Variants in HCN1 observed in about 807,000 individuals in gnomAD.
HCN1 encodes the protein potassium/sodium hyperpolarization-activated cyclic nucleotide-gated channel 1.
A neutral mutation model predicts 78.9 loss-of-function variants in HCN1; 13 were observed. That is an observed-to-expected ratio of 0.16 (90% CI 0.11 to 0.26). The LOEUF (loss-of-function observed/expected upper bound fraction) is 0.26, where lower values mean the gene tolerates loss of function less well. Ranked by LOEUF, HCN1 falls within the 10% of genes least tolerant of loss-of-function variation. The pLI is 1.00. For synonymous variants in HCN1, 552 were observed against 455.5 expected, an observed-to-expected ratio of 1.21 and a Z score of -2.70; for missense variants, 810 against 1,154.3, an observed-to-expected ratio of 0.70 and a Z score of 4.32.
chr5:45,297,594 G>A (rs533184565), intron 6 of HCN1, among the ~76,000 whole-genome samples: 2 of 152,038 alleles, frequency 1.3e-5, no homozygotes, highest in African/African-American at 2.4e-5. Flanking sequence ...AGCAGAAGGA[G>A]CACTTTCAAA....
At chr5:45,289,312 A>C (rs1210074126) in intron 6 of HCN1, among the ~76,000 whole-genome samples, 1 of 152,066 alleles carries the variant, frequency 6.6e-6, no homozygotes, top group Admixed American at 6.6e-5. Context: ...AGAGAATAAA[A>C]AAGGTGAGTG....
chr5:45,305,884 A>C (rs1468819270), intron 5 of HCN1, among the ~76,000 whole-genome samples: 1 of 151,622 alleles, frequency 6.6e-6, no homozygotes, highest in Admixed American at 6.6e-5. Flanking sequence ...GAAGGAAGGA[A>C]GGAAGGTGGA....
intron 5 of HCN1, among the ~76,000 whole-genome samples, chr5:45,334,836 T>C (rs1479131514): frequency 6.6e-6 from 1 of 152,026 alleles, no homozygotes; most frequent in Non-Finnish European, 1.5e-5. Context: ...AAGATGCTGG[T>C]ATAGCTTCAC....
At chr5:45,495,650 G>A (rs1351747028) in intron 2 of HCN1, among the ~76,000 whole-genome samples, 1 of 152,166 alleles carries the variant, frequency 6.6e-6, no homozygotes, top group East Asian at 1.9e-4. Flanking sequence ...GAATAGGAGT[G>A]GTGAGAGAGG....
intron 4 of HCN1, among the ~76,000 whole-genome samples, chr5:45,374,948 C>A (rs1275825931): frequency 1.4e-5 from 2 of 142,398 alleles, no homozygotes; most frequent in Non-Finnish European, 3.0e-5. Context: ...TTGAACTATA[C>A]TATAGTTTGT....
At chr5:45,604,688 A>G (rs1744692707) in intron 2 of HCN1, among the ~76,000 whole-genome samples, 1 of 152,060 alleles carries the variant, frequency 6.6e-6, no homozygotes. Context: ...TGGCAACAAA[A>G]TGTAAATAGA....
chr5:45,380,085 G>A (rs754023394), intron 4 of HCN1, among the ~76,000 whole-genome samples: 2 of 151,998 alleles, frequency 1.3e-5, no homozygotes, highest in African/African-American at 2.4e-5. Flanking sequence ...TATCTTAGAA[G>A]GGATACTTTA....
intron 1 of HCN1, among the ~76,000 whole-genome samples, chr5:45,647,632 T>A (rs1027554441): frequency 1.3e-5 from 2 of 152,106 alleles, no homozygotes; most frequent in African/African-American, 4.8e-5. Flanking sequence ...AGCCTCCTAA[T>A]CCTCATAATC....
At chr5:45,320,324 T>C (rs1746098449) in intron 5 of HCN1, among the ~76,000 whole-genome samples, 1 of 151,908 alleles carries the variant, frequency 6.6e-6, no homozygotes, top group South Asian at 2.1e-4. Context: ...TCCAATTCAG[T>C]AGCTTGGGTT....
intron 2 of HCN1, among the ~76,000 whole-genome samples, chr5:45,552,291 T>C (rs546468741): frequency 6.6e-6 from 1 of 152,048 alleles, no homozygotes; most frequent in African/African-American, 2.4e-5. Flanking sequence ...AAACTGTGAA[T>C]TTATAATGAA....
At chr5:45,400,464 T>A (rs547249075) in intron 3 of HCN1, among the ~76,000 whole-genome samples, 1 of 141,934 alleles carries the variant, frequency 7.0e-6, no homozygotes, top group Admixed American at 7.3e-5. Context: ...AATGGTGCAA[T>A]CTCAACTCAC....
intron 2 of HCN1, among the ~76,000 whole-genome samples, chr5:45,560,883 C>T (rs1167243485): frequency 6.6e-6 from 1 of 152,036 alleles, no homozygotes; most frequent in Non-Finnish European, 1.5e-5. Flanking sequence ...CTTCCATTGG[C>T]TTTTCTCTAT....
chr5:45,589,725 T>C (rs1165530313), intron 2 of HCN1, among the ~76,000 whole-genome samples: 1 of 152,226 alleles, frequency 6.6e-6, no homozygotes, highest in Non-Finnish European at 1.5e-5. Flanking sequence ...TAGTAATATT[T>C]CAATAGATGC....
chr5:45,595,599 T>C (rs1744473674), intron 2 of HCN1, among the ~76,000 whole-genome samples: 1 of 152,218 alleles, frequency 6.6e-6, no homozygotes, highest in Non-Finnish European at 1.5e-5. Flanking sequence ...TAAGTCATTC[T>C]ATAGTCTAAA....
intron 6 of HCN1, among the ~76,000 whole-genome samples, chr5:45,269,839 A>G (rs979914927): frequency 6.6e-6 from 1 of 152,120 alleles, no homozygotes; most frequent in Non-Finnish European, 1.5e-5. Context: ...TCTCTTAACT[A>G]AGAGCCTGTT....
At chr5:45,365,429 A>C (rs73099481) in intron 4 of HCN1, among the ~76,000 whole-genome samples, 3,551 of 152,072 alleles carry the variant, frequency 0.023, 151 homozygotes, top group African/African-American at 0.082. Context: ...TCACATTTAT[A>C]AGTGAGAACA....
intron 2 of HCN1, among the ~76,000 whole-genome samples, chr5:45,487,290 AATG>A (rs1672336159): frequency 6.6e-6 from 1 of 152,134 alleles, no homozygotes; most frequent in Non-Finnish European, 1.5e-5. Flanking sequence ...AGAATTTGAA[AATG>A]ATGAGCACAT....
intron 5 of HCN1, among the ~76,000 whole-genome samples, chr5:45,327,777 G>T (rs919032377): frequency 6.6e-6 from 1 of 151,494 alleles, no homozygotes; most frequent in African/African-American, 2.4e-5. Flanking sequence ...AGGAAATTTG[G>T]ACACACAGAA....
chr5:45,347,644 A>G (rs1387447667), intron 5 of HCN1, among the ~76,000 whole-genome samples: 1 of 152,182 alleles, frequency 6.6e-6, no homozygotes, highest in Non-Finnish European at 1.5e-5. Context: ...GTATAACTAG[A>G]ATAACCAATA....
Sources: gnomAD v4.1 joint callset for allele counts (sites outside exome capture counted in the v4.1 genomes callset) on GRCh38, gnomAD v4.1.1 for gene constraint, MANE v1.5 for transcripts, NCBI Gene and HGNC (gene_info 2026-07-23, HGNC 2026-07-21) for gene names.